The following FBXL20 variants were observed in gnomAD, a reference collection of about 807,000 sequenced individuals.
The protein encoded by FBXL20 is F-box/LRR-repeat protein 20.
Under a neutral mutation model 64.0 loss-of-function variants are expected in FBXL20, and 11 were observed. The observed-to-expected ratio is 0.17, with a 90% CI of 0.11 to 0.28. The LOEUF is 0.28. Among genes scored for constraint, FBXL20 ranks in the 10% least tolerant of loss-of-function variants. The pLI is 1.00. For missense variants in FBXL20, 303 were observed against 526.2 expected (o/e 0.58, Z 4.15); for synonymous variants, 184 against 189.0 (o/e 0.97, Z 0.22).
intron 1 of FBXL20, among the ~76,000 whole-genome samples, chr17:39,379,485 C>CAAAAA (rs375953565): frequency 0.37 from 46,330 of 125,924 alleles, 10,140 homozygotes; most frequent in African/African-American, 0.64. Flanking sequence ...CATCCCTTAC[C>CAAAAA]AAAAAAAAAA....
chr17:39,254,124 C>A lies in FBXL20; in HGVS notation c.*7336G>T, dbSNP rs1028696032. 1.3e-5 allele frequency: 2 copies of A among 152,188 alleles called. No homozygotes were observed. Among genetic ancestry groups the A allele is most frequent in the African/African-American group, 4.8e-5 (2 of 41,456 alleles). 9.4% of individuals were successfully genotyped at this position (152,188 alleles called of 1,614,324 possible). A position where few individuals can be genotyped will look rare whatever the true frequency, so the allele number is the denominator to read the frequency against. ...ATGGAGTCTCACTCCGTTGCCCAGG[C>A]TGGAGTGCAGTGGCGTGATCTCGGC... On this transcript the variant is annotated 3_prime_UTR_variant, in exon 15 of 15. Transcript: ENST00000264658.
At chr17:39,309,806 G>GAA (rs997783758) in intron 2 of FBXL20, among the ~76,000 whole-genome samples, 10 of 143,192 alleles carry the variant, frequency 7.0e-5, no homozygotes, top group African/African-American at 2.6e-4. Flanking sequence ...AAAAAAAAAA[G>GAA]AAAAGAAAAA....
At chr17:39,388,413 C>T (rs868662954) in intron 1 of FBXL20, among the ~76,000 whole-genome samples, 28 of 151,618 alleles carry the variant, frequency 1.8e-4, no homozygotes, top group South Asian at 1.7e-3. Flanking sequence ...GAGCCAAGAT[C>T]GCACTACTAT....
chr17:39,315,942 G>C (rs577815541), intron 2 of FBXL20, among the ~76,000 whole-genome samples: 121 of 151,436 alleles, frequency 8.0e-4, no homozygotes, highest in African/African-American at 2.7e-3. Context: ...CCATAATAAA[G>C]ATGGGCAAGG....
At chr17:39,310,908 C>T (rs2047229411) in intron 2 of FBXL20, among the ~76,000 whole-genome samples, 1 of 151,954 alleles carries the variant, frequency 6.6e-6, no homozygotes. Context: ...TCGCTTGAAC[C>T]CAGGGGGGCA....
rs150558343 is a variant in FBXL20, at chr17:39,374,659, A to G, written c.42+26702T>C. ...TTGTATGTATTGTCTAGGATTCCTA[A>G]AAACTAATTATACATCTTCTAAACC... On this transcript the variant is annotated intron_variant, in intron 1 of 14. Coordinates refer to ENST00000264658, the MANE Select transcript of FBXL20 (RefSeq NM_032875.3). Among the ~76,000 whole-genome samples the G allele has an allele frequency of 8.5e-3, 1,294 of 152,358 alleles. 14 individuals are homozygous for G. The highest frequency in any genetic ancestry group is 0.013 in the Non-Finnish European group (916 of 68,032).
intron 1 of FBXL20, among the ~76,000 whole-genome samples, chr17:39,393,060 G>A (rs897949873): frequency 4.0e-5 from 6 of 151,856 alleles, no homozygotes; most frequent in Admixed American, 1.3e-4. Context: ...AAGCCAAGGC[G>A]GGCGGATCAC....
At chr17:39,278,168 CAG>C (rs1171322883) in intron 9 of FBXL20, among the ~76,000 whole-genome samples, 7 of 152,132 alleles carry the variant, frequency 4.6e-5, no homozygotes, top group African/African-American at 9.7e-5. Context: ...TGTTTTGAGA[CAG>C]AGTCTCGCTC....
intron 2 of FBXL20, among the ~76,000 whole-genome samples, chr17:39,329,818 C>A (rs192401974): frequency 9.3e-4 from 142 of 151,954 alleles, no homozygotes; most frequent in African/African-American, 3.2e-3. Context: ...AGCAACATAG[C>A]AAGACCTTGT....
intron 1 of FBXL20, among the ~76,000 whole-genome samples, chr17:39,376,149 A>G (rs1021465001): frequency 6.6e-6 from 1 of 151,976 alleles, no homozygotes; most frequent in African/African-American, 2.4e-5. Flanking sequence ...ATAAAATAAC[A>G]GCTGACATTG....
chr17:39,296,823 T>C (rs1364477301), intron 6 of FBXL20, among the ~76,000 whole-genome samples: 1 of 152,194 alleles, frequency 6.6e-6, no homozygotes, highest in Admixed American at 6.6e-5. Flanking sequence ...CTGTGGCTTT[T>C]AACTGGTAGC....
intron 1 of FBXL20, among the ~76,000 whole-genome samples, chr17:39,349,898 T>C (rs2047671150): frequency 6.7e-6 from 1 of 149,172 alleles, no homozygotes; most frequent in East Asian, 2.0e-4. Context: ...ATCGCGCCAC[T>C]GCACTCCAGC....
intron 1 of FBXL20, among the ~76,000 whole-genome samples, chr17:39,367,319 C>CT (rs572558102): frequency 0.016 from 2,187 of 138,766 alleles, 25 homozygotes; most frequent in African/African-American, 0.039. Flanking sequence ...TTTTTCTTTT[C>CT]TTTTTTTTTT....
At chr17:39,315,275 T>C (rs2047274830) in intron 2 of FBXL20, among the ~76,000 whole-genome samples, 1 of 151,958 alleles carries the variant, frequency 6.6e-6, no homozygotes, top group South Asian at 2.1e-4. Context: ...GGCATTTCCC[T>C]GATGGCTAAT....
chr17:39,263,474 C>T (rs1052308234), intron 14 of FBXL20, among the ~76,000 whole-genome samples: 2 of 152,282 alleles, frequency 1.3e-5, no homozygotes, highest in African/African-American at 4.8e-5. Flanking sequence ...AACATCGAGC[C>T]ACTGCACTCC....
intron 1 of FBXL20, among the ~76,000 whole-genome samples, chr17:39,355,713 C>T (rs554350142): frequency 4.6e-5 from 7 of 151,176 alleles, no homozygotes; most frequent in Admixed American, 4.0e-4. Context: ...AAATTAGCTG[C>T]GCGTGGTGGC....
intron 1 of FBXL20, 142 bp downstream of exon 1, chr17:39,401,215 CAAGA>C (rs2048239232): frequency 6.6e-7 from 1 of 1,515,182 alleles, no homozygotes. Flanking sequence ...TTCTGGGTCG[CAAGA>C]AAGGGGAGCG....
intron 13 of FBXL20, 52 bp downstream of exon 13, chr17:39,265,345 T>C: frequency 7.0e-7 from 1 of 1,425,158 alleles, no homozygotes; most frequent in Non-Finnish European, 9.8e-7. Flanking sequence ...ACTGTAGCAC[T>C]GGCTTTTGAT....
chr17:39,335,051 GCTAGTGAGC>G (rs148635812), intron 2 of FBXL20, among the ~76,000 whole-genome samples: 4,854 of 152,218 alleles, frequency 0.032, 116 homozygotes, highest in African/African-American at 0.069. Context: ...TCCCTCTGTG[GCTAGTGAGC>G]CTTATCTCTC....
Sources: gnomAD v4.1 joint callset for allele counts (sites outside exome capture counted in the v4.1 genomes callset) on GRCh38, gnomAD v4.1.1 for gene constraint, MANE v1.5 for transcripts, NCBI Gene and HGNC (gene_info 2026-07-23, HGNC 2026-07-21) for gene names.